Variants in GLDN observed in about 807,000 individuals in gnomAD.
GLDN encodes the protein collomin.
Under a neutral mutation model 56.5 loss-of-function variants are expected in GLDN, and 47 were observed. That is an observed-to-expected ratio of 0.83 (90% CI 0.66 to 1.06). The LOEUF (loss-of-function observed/expected upper bound fraction) is 1.06. Ranked by LOEUF, GLDN falls within the 50% of genes least tolerant of loss-of-function variation. The probability of loss-of-function intolerance (pLI) is 0.00; values close to 1 mark genes in which losing one functional copy is unlikely to be tolerated. For synonymous variants in GLDN, 332 were observed against 278.8 expected, an observed-to-expected ratio of 1.19 and a Z score of -1.90; for missense variants, 782 against 714.3, an observed-to-expected ratio of 1.09 and a Z score of -1.08.
At chr15:51,381,629 C>T (rs1010256501) in intron 2 of GLDN, among the ~76,000 whole-genome samples, 8 of 152,120 alleles carry the variant, frequency 5.3e-5, no homozygotes, top group African/African-American at 1.9e-4. Flanking sequence ...TCCTCCTTTG[C>T]CTCCTACCCA....
At chr15:51,395,693 G>A (rs2038112005) in intron 5 of GLDN, among the ~76,000 whole-genome samples, 1 of 152,100 alleles carries the variant, frequency 6.6e-6, no homozygotes, top group Non-Finnish European at 1.5e-5. Flanking sequence ...TGGCATTTTC[G>A]CTTAACACCT....
intron 2 of GLDN, among the ~76,000 whole-genome samples, chr15:51,380,316 T>C (rs2446427): frequency 0.34 from 51,881 of 152,198 alleles, 13,008 homozygotes; most frequent in African/African-American, 0.69. Context: ...GCATGGGTGG[T>C]AGGCCCAGGA....
Position 51,405,850 on chromosome 15 carries a change from C to A in GLDN, c.*1096C>A, listed in dbSNP as rs1006371708. The stretch of plus-strand genomic sequence containing the variant: ...AGGTTTTACTGAGCACAGCCACACT[C>A]ATTTGTTTATGCAGTACGGCCTGAC... On this transcript the variant is annotated 3_prime_UTR_variant, in exon 10 of 10. Coordinates refer to ENST00000335449, the MANE Select transcript of GLDN (RefSeq NM_181789.4). 1 of 152,238 alleles carries A rather than the reference C, an allele frequency of 6.6e-6. No homozygotes were observed. Among genetic ancestry groups the A allele is most frequent in the South Asian group, 2.1e-4 (1 of 4,832 alleles). The allele number at this position is 152,238 out of a possible 1,614,324, so 9.4% of individuals were successfully genotyped here. A position where few individuals can be genotyped will look rare whatever the true frequency, so the allele number is the denominator to read the frequency against.
At chr15:51,346,458 A>T (rs1049945006) in intron 1 of GLDN, among the ~76,000 whole-genome samples, 1 of 152,232 alleles carries the variant, frequency 6.6e-6, no homozygotes, top group Non-Finnish European at 1.5e-5. Context: ...TGATTTTGAG[A>T]CAACGGGCAA....
At chr15:51,359,993 A>AAAG (rs1555402539) in intron 1 of GLDN, among the ~76,000 whole-genome samples, 171 of 151,836 alleles carry the variant, frequency 1.1e-3, no homozygotes, top group African/African-American at 3.9e-3. Flanking sequence ...AAAAAAAAAA[A>AAAG]AAGAAGAAAG....
chr15:51,400,233 A>G lies in GLDN; in HGVS notation c.859A>G (p.Lys287Glu). 6.2e-7 allele frequency: 1 copy of G among 1,614,210 alleles called. No individual in the cohort carries two copies. The highest frequency in any genetic ancestry group is 8.5e-7 in the Non-Finnish European group (1 of 1,180,030). Residue 287 changes from lysine (K) to glutamate (E), a missense_variant, in exon 7 of 10, where the codon AAA (lysine) becomes GAA (glutamate). Coordinates refer to ENST00000335449, the MANE Select transcript of GLDN (RefSeq NM_181789.4). Reference protein sequence around the residue: ...AIPNDDTLVGKADEKASEHHS... With the variant: ...AIPNDDTLVGEADEKASEHHS... The stretch of plus-strand genomic sequence containing the variant: ...ACCAAATGATGATACCTTGGTTGGA[A>G]AAGCTGATGAGAAAGCCAGTGAACA...
rs535353323 is a variant in GLDN, at chr15:51,359,751, C to T, written c.364-17698C>T. Among the ~76,000 whole-genome samples the T allele has an allele frequency of 2.0e-3, 305 of 151,970 alleles. 1 individual carries two copies. The highest frequency in any genetic ancestry group is 6.9e-3 in the African/African-American group (284 of 41,440). ...CAGCACTTTGGGAGGCCGAGGAGGG[C>T]GGATCATGAGGTCAGGAGATCGAGA... On this transcript the variant is annotated intron_variant, in intron 1 of 9. Transcript: ENST00000335449.
intron 1 of GLDN, among the ~76,000 whole-genome samples, chr15:51,361,317 A>G (rs2037296218): frequency 6.6e-6 from 1 of 152,156 alleles, no homozygotes; most frequent in Admixed American, 6.5e-5. Flanking sequence ...AATATGTCTC[A>G]TGGTTTTTTG....
At chr15:51,389,584 A>G (rs1372450465) in intron 4 of GLDN, among the ~76,000 whole-genome samples, 1 of 152,238 alleles carries the variant, frequency 6.6e-6, no homozygotes, top group Non-Finnish European at 1.5e-5. Flanking sequence ...GTGCAGCAGA[A>G]CTAAGCATAA....
At chr15:51,348,991 G>C (rs1178893065) in intron 1 of GLDN, among the ~76,000 whole-genome samples, 1 of 152,094 alleles carries the variant, frequency 6.6e-6, no homozygotes, top group Non-Finnish European at 1.5e-5. Flanking sequence ...TTTGGTTTCA[G>C]TTTTTTGTTG....
chr15:51,361,308 A>T (rs2037296057), intron 1 of GLDN, among the ~76,000 whole-genome samples: 1 of 152,192 alleles, frequency 6.6e-6, no homozygotes, highest in African/African-American at 2.4e-5. Context: ...ATCTCTTTAA[A>T]TATGTCTCAT....
intron 1 of GLDN, among the ~76,000 whole-genome samples, chr15:51,366,500 C>T (rs932486843): frequency 6.6e-5 from 10 of 152,366 alleles, no homozygotes; most frequent in South Asian, 2.1e-4. Context: ...CATTAAGGCA[C>T]TTATCCGTTT....
intron 1 of GLDN, among the ~76,000 whole-genome samples, chr15:51,355,922 C>T (rs2037172675): frequency 6.6e-6 from 1 of 151,016 alleles, no homozygotes; most frequent in Admixed American, 6.6e-5. Context: ...GAATACCTAA[C>T]CTCAGCCGGG....
downstream of GLDN, among the ~76,000 whole-genome samples, chr15:51,410,774 A>G (rs1018903674): frequency 6.6e-6 from 1 of 152,192 alleles, no homozygotes; most frequent in African/African-American, 2.4e-5. Context: ...ATATACTAAA[A>G]AATGTATTTG....
chr15:51,391,825 T>A (rs2038027686), intron 4 of GLDN, among the ~76,000 whole-genome samples: 1 of 152,234 alleles, frequency 6.6e-6, no homozygotes, highest in African/African-American at 2.4e-5. Context: ...CACATCCTCT[T>A]CTACTGTGCT....
rs1463541181 is a variant in GLDN, at chr15:51,341,722, G to A, written c.38G>A (p.Gly13Asp). Residue 13 changes from glycine (G) to aspartate (D), a missense_variant, in exon 1 of 10, where the codon GGT (glycine) becomes GAT (aspartate). Physicochemically the swap from Gly to Asp is moderately conservative, Grantham distance 94. Coordinates refer to ENST00000335449, the MANE Select transcript of GLDN (RefSeq NM_181789.4). ...RGAEGGRGDA[G>D]WGLRGALAAV... ...GCTGAGGGAGGCCGTGGGGACGCGG[G>A]TTGGGGCCTGCGTGGCGCCCTGGCG... 6.2e-6 allele frequency: 9 copies of A among 1,446,252 alleles called. No homozygotes were observed. The highest frequency in any genetic ancestry group is 1.8e-6 in the Non-Finnish European group (2 of 1,113,170). 89.6% of individuals were successfully genotyped at this position (1,446,252 alleles called of 1,614,324 possible).
At chr15:51,403,545 C>T (rs1483089291) in intron 9 of GLDN, among the ~76,000 whole-genome samples, 1 of 152,116 alleles carries the variant, frequency 6.6e-6, no homozygotes, top group Non-Finnish European at 1.5e-5. Context: ...TTCACTTTTA[C>T]AATACAGCCT....
chr15:51,343,256 T>G (rs1211684565), intron 1 of GLDN, among the ~76,000 whole-genome samples: 1 of 152,220 alleles, frequency 6.6e-6, no homozygotes, highest in African/African-American at 2.4e-5. Flanking sequence ...TTGAGAGAGA[T>G]CAAGTTTTCC....
chr15:51,361,858 G>T (rs2141065149), intron 1 of GLDN, among the ~76,000 whole-genome samples: 1 of 152,294 alleles, frequency 6.6e-6, no homozygotes, highest in South Asian at 2.1e-4. Flanking sequence ...TGAACCCCAG[G>T]AGGCAGAGGT....
Sources: gnomAD v4.1 joint callset for allele counts (sites outside exome capture counted in the v4.1 genomes callset) on GRCh38, gnomAD v4.1.1 for gene constraint, MANE v1.5 for transcripts, NCBI Gene and HGNC (gene_info 2026-07-23, HGNC 2026-07-21) for gene names.